Variants in SH3RF2 observed in about 807,000 individuals in gnomAD.
SH3RF2 encodes E3 ubiquitin-protein ligase SH3RF2.
In SH3RF2, 43 loss-of-function variants were observed where a neutral mutation model predicts 59.0. That is an observed-to-expected ratio of 0.73 (90% CI 0.57 to 0.94). SH3RF2 has a LOEUF of 0.94. Among genes scored for constraint, SH3RF2 ranks in the 40% least tolerant of loss-of-function variants. The pLI is 0.00. For synonymous variants in SH3RF2, 391 were observed against 391.5 expected, an observed-to-expected ratio of 1.00 and a Z score of 0.01; for missense variants, 930 against 940.1, an observed-to-expected ratio of 0.99 and a Z score of 0.14.
At chr5:146,036,386 T>TA in intron 5 of SH3RF2, among the ~76,000 whole-genome samples, 1 of 152,264 alleles carries the variant, frequency 6.6e-6, no homozygotes, top group East Asian at 1.9e-4. Context: ...ACATTGTCTC[T>TA]ACTTAAAATA....
In SH3RF2 at chr5:146,000,189, C is replaced by T. The variant is rs137960488; in HGVS notation, c.510C>T (p.Ile170=). The change falls in exon 3 of 10, where the codon ATC becomes ATT. Residue 170 remains isoleucine, a synonymous_variant. Transcript: ENST00000359120. The stretch of plus-strand genomic sequence containing the variant: ...GGTACCAGGGGGAAATCAATGGCAT[C>T]AGCGGGAACTTCCCAGCCAGCTCCG... ...ENWYQGEING[I]SGNFPASSVE... 2.5e-5 allele frequency: 41 copies of T among 1,613,536 alleles called. No homozygotes were observed. Among genetic ancestry groups the T allele is most frequent in the Non-Finnish European group, 3.4e-5 (40 of 1,179,838 alleles).
At chr5:146,000,664 G>A (rs1311415301) in intron 3 of SH3RF2, among the ~76,000 whole-genome samples, 6 of 151,998 alleles carry the variant, frequency 3.9e-5, no homozygotes, top group Non-Finnish European at 7.4e-5. Context: ...AACCATTGTA[G>A]AAACATTTGA....
chr5:146,068,590 G>A (rs1375157363), intron 9 of SH3RF2, among the ~76,000 whole-genome samples: 4 of 152,156 alleles, frequency 2.6e-5, no homozygotes, highest in African/African-American at 4.8e-5. Context: ...AAATATCCTC[G>A]TAGCAAATTG....
chr5:146,018,054 G>A (rs1009132972), intron 5 of SH3RF2, among the ~76,000 whole-genome samples: 8 of 152,128 alleles, frequency 5.3e-5, no homozygotes, highest in African/African-American at 1.7e-4. Flanking sequence ...GGAAAACTCT[G>A]GGAGTGAAAG....
At chr5:145,997,540 C>T (rs1006237932) in intron 2 of SH3RF2, 31 of 1,606,934 alleles carry the variant, frequency 1.9e-5, no homozygotes, top group Middle Eastern at 1.7e-4. Context: ...GATTTTCTTC[C>T]GAAAATGGGA....
chr5:146,010,134 T>G (rs1006095501), intron 4 of SH3RF2, among the ~76,000 whole-genome samples: 1 of 151,848 alleles, frequency 6.6e-6, no homozygotes, highest in African/African-American at 2.4e-5. Context: ...CGGTGTTTGG[T>G]TTTTGGTCCT....
chr5:146,069,157 GA>G (rs1763174324), intron 9 of SH3RF2, among the ~76,000 whole-genome samples: 1 of 152,194 alleles, frequency 6.6e-6, no homozygotes, highest in Non-Finnish European at 1.5e-5. Flanking sequence ...TATTCTGCCT[GA>G]AGATTTGAGC....
intron 2 of SH3RF2, chr5:145,997,468 G>C: frequency 6.5e-7 from 1 of 1,546,192 alleles, no homozygotes; most frequent in Non-Finnish European, 8.9e-7. Flanking sequence ...GTGAAAAATG[G>C]GATAATGGAT....
intron 8 of SH3RF2, among the ~76,000 whole-genome samples, chr5:146,057,928 GTCTCTCTCTCTCTCTCTCTC>G (rs58826823): frequency 1.5e-5 from 2 of 133,178 alleles, no homozygotes; most frequent in African/African-American, 3.0e-5. Context: ...GGCTGTTAGT[GTCTCTCTCTCTCTCTCTCTC>G]TCTCTCTCTC....
At chr5:146,026,578 C>T (rs1280504338) in intron 5 of SH3RF2, among the ~76,000 whole-genome samples, 1 of 152,148 alleles carries the variant, frequency 6.6e-6, no homozygotes, top group Non-Finnish European at 1.5e-5. Flanking sequence ...CTGTCTTCTG[C>T]GGGAGCACAC....
Position 146,062,428 on chromosome 5 carries a change from A to T in SH3RF2, c.1917A>T (p.Gln639His). 1.9e-6 allele frequency: 3 copies of T among 1,613,660 alleles called. No homozygotes were observed. Residue 639 changes from glutamine (Q) to histidine (H), a missense_variant and splice_region_variant, in exon 10 of 10, where the codon CAA becomes CAT. Gln to His is a conservative substitution (Grantham distance 24). Coordinates refer to ENST00000359120, the MANE Select transcript of SH3RF2 (RefSeq NM_152550.4). ...PENSRNGIEKQVKTVRFQNYS... is the reference protein window; with the variant it reads ...PENSRNGIEKHVKTVRFQNYS... Reference sequence around the variant, plus strand: ...ATTTCCTCTCCTTTCTCTTGCAGCAAGTCAAAACCGTGAGATTTCAGAATT... The same window carrying T: ...ATTTCCTCTCCTTTCTCTTGCAGCATGTCAAAACCGTGAGATTTCAGAATT...
rs146118560 is a variant in SH3RF2, at chr5:146,060,188, G to A, written c.1878G>A (p.Leu626=). 9 of 1,611,206 alleles carry A rather than the reference G, an allele frequency of 5.6e-6. No homozygotes were observed. The highest frequency in any genetic ancestry group is 6.8e-6 in the Non-Finnish European group (8 of 1,178,830). ...CCGCATCTGCCCCACCATCCATCCT[G>A]GTGAAACCAGAAAACTCAAGAAATG... is the stretch of plus-strand genomic sequence containing the variant. ...KPPASAPPSI[L]VKPENSRNGI... Residue 626 remains leucine (L), a synonymous_variant, in exon 9 of 10, where the codon CTG becomes CTA. Coordinates refer to ENST00000359120, the MANE Select transcript of SH3RF2 (RefSeq NM_152550.4).
intron 2 of SH3RF2, among the ~76,000 whole-genome samples, chr5:145,969,042 C>T (rs1758967204): frequency 1.3e-5 from 2 of 151,978 alleles, no homozygotes; most frequent in Non-Finnish European, 2.9e-5. Context: ...TCTGAATTTG[C>T]TTCTCAGGTC....
intron 2 of SH3RF2, among the ~76,000 whole-genome samples, chr5:145,964,372 T>C (rs899742602): frequency 2.7e-5 from 4 of 147,730 alleles, no homozygotes; most frequent in African/African-American, 9.9e-5. Context: ...AGTGGCGCCA[T>C]CTCAGCTCGC....
intron 2 of SH3RF2, among the ~76,000 whole-genome samples, chr5:145,979,930 G>C (rs553955530): frequency 1.3e-5 from 2 of 152,210 alleles, no homozygotes; most frequent in Non-Finnish European, 2.9e-5. Context: ...CTAGTCCAAA[G>C]TGATACAGTA....
In SH3RF2 at chr5:146,062,309, T is replaced by A. The variant is rs948892003; in HGVS notation, c.1915-117T>A. 2.3e-6 allele frequency: 3 copies of A among 1,305,924 alleles called. No homozygotes were observed. In the African/African-American group the frequency reaches 4.4e-5, roughly 19 times the overall value. 80.9% of individuals were successfully genotyped at this position (1,305,924 alleles called of 1,614,324 possible). A position where few individuals can be genotyped will look rare whatever the true frequency, so the allele number is the denominator to read the frequency against. ...CCATCTTAGCACTTGACACTCATGG[T>A]AGCCACAGATATTTGCAGAATGAAC... On this transcript the variant is annotated intron_variant, in intron 9 of 9. Transcript: ENST00000359120.
rs538904386 is a variant in SH3RF2, at chr5:146,008,659, C to T, written c.744+4506C>T. On this transcript the variant is annotated intron_variant, in intron 4 of 9. Transcript: ENST00000359120. ...TTTTATTTACATACAGTAAAATTTA[C>T]TCTTTTTAACATCCAGTTCTATAAA... 1.5e-3 allele frequency among the ~76,000 whole-genome samples: 228 copies of T among 152,236 alleles called. 1 individual carries two copies. The highest frequency in any genetic ancestry group is 5.2e-3 in the African/African-American group (216 of 41,542).
At chr5:146,022,748 C>T (rs1387195096) in intron 5 of SH3RF2, among the ~76,000 whole-genome samples, 1 of 152,002 alleles carries the variant, frequency 6.6e-6, no homozygotes, top group Non-Finnish European at 1.5e-5. Flanking sequence ...TGGCGCATGC[C>T]TGTAGTCCCA....
exon 10 of SH3RF2, chr5:146,080,558 A>C (rs189791640): frequency 6.6e-6 from 1 of 152,178 alleles, no homozygotes; most frequent in Non-Finnish European, 1.5e-5. Context: ...GGACTTCCAA[A>C]CCTTTCATAT....
Sources: allele counts gnomAD v4.1 joint callset (sites outside exome capture counted in the v4.1 genomes callset), GRCh38; gene constraint gnomAD v4.1.1; transcripts MANE v1.5; gene names NCBI Gene and HGNC (gene_info 2026-07-23, HGNC 2026-07-21).